SP100: variants seen among roughly 807,000 people sequenced by gnomAD.
SP100 encodes SP100 nuclear body protein, also known as nuclear autoantigen Sp-100.
SP100 carries 84 observed loss-of-function variants against 130.0 expected under a neutral mutation model. That is an observed-to-expected ratio of 0.65 (90% CI 0.54 to 0.77). The LOEUF (loss-of-function observed/expected upper bound fraction) is 0.77, where lower values mean the gene tolerates loss of function less well. SP100 is among the 30% of genes least tolerant of loss of function. The pLI is 0.00. For missense variants in SP100, 978 were observed against 1,052.2 expected (o/e 0.93, Z 0.97); for synonymous variants, 331 against 351.7 (o/e 0.94, Z 0.66).
chr2:230,433,815 T>C (rs2063168840), intron 2 of SP100, among the ~76,000 whole-genome samples: 1 of 151,188 alleles, frequency 6.6e-6, no homozygotes, highest in African/African-American at 2.4e-5. Context: ...TATTCATAAC[T>C]TATTCAATAT....
intron 19 of SP100, 110 bp from the exon 20 acceptor site, chr2:230,502,956 T>C: frequency 1.2e-6 from 1 of 813,954 alleles, no homozygotes; most frequent in South Asian, 1.9e-5. Flanking sequence ...CTGATATTTT[T>C]CTTTAAGTTC....
intron 19 of SP100, among the ~76,000 whole-genome samples, chr2:230,499,403 A>G (rs1412418305): frequency 2.2e-5 from 3 of 137,650 alleles, no homozygotes; most frequent in African/African-American, 8.4e-5. Flanking sequence ...TTTACAGACA[A>G]ATTTGTCATC....
chr2:230,444,196 A>C lies in SP100; in HGVS notation c.289A>C (p.Arg97=). The stretch of plus-strand genomic sequence containing the variant: ...TTTTAAGGATTCTCAAGATTCTTGT[A>C]GAAACCTGGTCCCTGTACAGAGAGT... The part of the protein sequence containing the change: ...KMFEDSQDSC[R]NLVPVQRVVY... Residue 97 remains arginine (R), a synonymous_variant, in exon 4 of 29, where the codon AGA becomes CGA. Coordinates refer to ENST00000340126, the MANE Select transcript of SP100 (RefSeq NM_001080391.2). 6.3e-7 allele frequency: 1 copy of C among 1,577,636 alleles called. No individual in the cohort carries two copies. Among genetic ancestry groups the C allele is most frequent in the East Asian group, 2.2e-5 (1 of 44,626 alleles).
chr2:230,431,979 C>T (rs530729175), intron 2 of SP100, among the ~76,000 whole-genome samples: 1 of 152,290 alleles, frequency 6.6e-6, no homozygotes, highest in South Asian at 2.1e-4. Context: ...ACCATCATCA[C>T]AATCCAAGTG....
intron 15 of SP100, 22 bp from the exon 16 acceptor site, chr2:230,473,302 A>T (rs2065367415): frequency 6.4e-7 from 1 of 1,558,246 alleles, no homozygotes; most frequent in African/African-American, 1.4e-5. Context: ...ACAAATAAAA[A>T]TGTTTACAAA....
At chr2:230,434,002 A>T (rs996228401) in intron 2 of SP100, among the ~76,000 whole-genome samples, 2 of 151,354 alleles carry the variant, frequency 1.3e-5, no homozygotes, top group Non-Finnish European at 2.9e-5. Context: ...TACCTAAAAA[A>T]TGGTAAAAGA....
chr2:230,493,833 G>A (rs779724173), intron 17 of SP100: 6 of 152,244 alleles, frequency 3.9e-5, no homozygotes, highest in Non-Finnish European at 5.9e-5. Flanking sequence ...GTGCAGTGGT[G>A]TCATCACAGC....
chr2:230,525,271 C>A (rs893278536), intron 24 of SP100, among the ~76,000 whole-genome samples: 5 of 152,070 alleles, frequency 3.3e-5, no homozygotes, highest in African/African-American at 4.8e-5. Context: ...GTGTGTCTAT[C>A]TTCATGAGCG....
intron 8 of SP100, among the ~76,000 whole-genome samples, chr2:230,458,947 A>G (rs541985865): frequency 6.6e-6 from 1 of 152,160 alleles, no homozygotes; most frequent in East Asian, 1.9e-4. Flanking sequence ...TACATATGGG[A>G]CAACAGGCCT....
At chr2:230,536,347 G>C (rs1691939712) in intron 24 of SP100, among the ~76,000 whole-genome samples, 2 of 152,098 alleles carry the variant, frequency 1.3e-5, no homozygotes, top group African/African-American at 4.8e-5. Context: ...AAACAGAAAA[G>C]GGGCACTGAA....
intron 24 of SP100, among the ~76,000 whole-genome samples, chr2:230,525,615 TCACC>T (rs1000479514): frequency 2.6e-5 from 4 of 152,046 alleles, no homozygotes; most frequent in African/African-American, 9.7e-5. Flanking sequence ...GGGCATCACC[TCACC>T]CAGGAAGCAC....
At chr2:230,418,868 C>T (rs1379184593) in intron 2 of SP100, among the ~76,000 whole-genome samples, 1 of 152,116 alleles carries the variant, frequency 6.6e-6, no homozygotes, top group East Asian at 1.9e-4. Context: ...TTCCCAGGAA[C>T]TCTTGACATC....
At chr2:230,501,483 A>AAAAAC (rs2067020413) in intron 19 of SP100, among the ~76,000 whole-genome samples, 2 of 152,200 alleles carry the variant, frequency 1.3e-5, no homozygotes, top group Admixed American at 6.5e-5. Context: ...GATGAAGTTA[A>AAAAAC]AAAACAAAAC....
In SP100 at chr2:230,537,240, C is replaced by G. The variant is rs1372804563; in HGVS notation, c.2095-2027C>G. ...CACCACTGCACTCCAGCCGAGGTGACAGAGTGAGACCCTGTCTCAAAACAA... is the reference window on the plus strand; with the variant it reads ...CACCACTGCACTCCAGCCGAGGTGAGAGAGTGAGACCCTGTCTCAAAACAA... On this transcript the variant is annotated intron_variant, in intron 24 of 28. Coordinates refer to ENST00000340126, the MANE Select transcript of SP100 (RefSeq NM_001080391.2). Among the ~76,000 whole-genome samples the G allele has an allele frequency of 4.6e-5, 7 of 152,294 alleles. No individual in the cohort carries two copies. The East Asian group carries it at 1.3e-3, about 29-fold the overall frequency.
intron 21 of SP100, among the ~76,000 whole-genome samples, chr2:230,506,097 C>T (rs191014181): frequency 1.3e-5 from 2 of 151,880 alleles, no homozygotes; most frequent in African/African-American, 2.4e-5. Flanking sequence ...GCATGATGGT[C>T]AAAGAAATGT....
At chr2:230,458,556 T>C (rs919961832) in intron 8 of SP100, among the ~76,000 whole-genome samples, 3 of 152,226 alleles carry the variant, frequency 2.0e-5, no homozygotes, top group Non-Finnish European at 4.4e-5. Flanking sequence ...CCATACATTG[T>C]CATGTTGTGG....
rs561191521 is a variant in SP100 at position 230,435,924 on chromosome 2, T to TA, written c.108-7007dup. 3.3e-4 allele frequency among the ~76,000 whole-genome samples: 50 copies of TA among 152,132 alleles called. 1 individual carries two copies. In the East Asian group the frequency reaches 9.7e-3, roughly 29 times the overall value. ...TACACTATGAAATACTATGCAGCCA[T>TA]AAAAAAGGAATGAGATCATGTCCTT... On this transcript the variant is annotated intron_variant, in intron 2 of 28. Transcript: ENST00000340126.
intron 17 of SP100, among the ~76,000 whole-genome samples, chr2:230,484,450 T>G (rs2150024679): frequency 6.6e-6 from 1 of 152,360 alleles, no homozygotes; most frequent in African/African-American, 2.4e-5. Context: ...AGTGGGATTG[T>G]GTTAAATTTA....
chr2:230,428,681 A>T (rs901393729), intron 2 of SP100, among the ~76,000 whole-genome samples: 1 of 152,036 alleles, frequency 6.6e-6, no homozygotes, highest in Admixed American at 6.5e-5. Context: ...TGACCTCATG[A>T]TCCACCCACC....
Sources: allele counts gnomAD v4.1 joint callset (sites outside exome capture counted in the v4.1 genomes callset), GRCh38; gene constraint gnomAD v4.1.1; transcripts MANE v1.5; gene names NCBI Gene and HGNC (gene_info 2026-07-23, HGNC 2026-07-21).